Variants in DOCK1 observed in about 807,000 individuals in gnomAD.
The protein encoded by DOCK1 is dedicator of cytokinesis 1.
In DOCK1, 138 loss-of-function variants were observed where a neutral mutation model predicts 262.7. That is an observed-to-expected ratio of 0.53 (90% CI 0.46 to 0.61). The LOEUF is 0.61. Ranked by LOEUF, DOCK1 falls within the 20% of genes least tolerant of loss-of-function variation. The pLI is 0.00. For missense variants in DOCK1, 1,908 were observed against 2,370.7 expected (o/e 0.80, Z 4.05); for synonymous variants, 866 against 867.4 (o/e 1.00, Z 0.03).
At chr10:127,263,155 C>G (rs1250221762) in intron 29 of DOCK1, among the ~76,000 whole-genome samples, 1 of 152,320 alleles carries the variant, frequency 6.6e-6, no homozygotes, top group East Asian at 1.9e-4. Flanking sequence ...GTGTGGAATT[C>G]ATTACATTGC....
chr10:127,218,174 G>A (rs1226805803), intron 27 of DOCK1, among the ~76,000 whole-genome samples: 1 of 152,164 alleles, frequency 6.6e-6, no homozygotes, highest in East Asian at 1.9e-4. Context: ...TTTGAATACA[G>A]ATATTTATAG....
At chr10:127,259,553 C>T (rs1473404173) in intron 29 of DOCK1, among the ~76,000 whole-genome samples, 7 of 152,114 alleles carry the variant, frequency 4.6e-5, no homozygotes, top group South Asian at 2.1e-4. Flanking sequence ...GGTGTGGAGG[C>T]GGCCCGTGTG....
intron 44 of DOCK1, 95 bp downstream of exon 44, chr10:127,415,333 T>C (rs1260713394): frequency 8.1e-7 from 1 of 1,234,908 alleles, no homozygotes; most frequent in African/African-American, 1.5e-5. Flanking sequence ...GTGGTCACTG[T>C]GGCAGCGTGC....
chr10:127,023,384 CTTGG>C (rs2042585308), intron 14 of DOCK1, 60 bp downstream of exon 14: 2 of 1,601,268 alleles, frequency 1.2e-6, no homozygotes, highest in Non-Finnish European at 1.7e-6. Flanking sequence ...AAGTGCTCAC[CTTGG>C]CTCTGCTACA....
chr10:127,111,809 C>A (rs895003491), intron 25 of DOCK1, among the ~76,000 whole-genome samples: 3 of 152,158 alleles, frequency 2.0e-5, no homozygotes, highest in African/African-American at 7.2e-5. Context: ...AAATTAACAG[C>A]TGTCAATGAG....
At chr10:126,950,948 A>G (rs1395853031) in intron 1 of DOCK1, among the ~76,000 whole-genome samples, 2 of 151,666 alleles carry the variant, frequency 1.3e-5, no homozygotes, top group African/African-American at 4.8e-5. Context: ...GTTGGCGGTG[A>G]TGGTGGTGGT....
chr10:127,241,926 C>T (rs899250316), intron 27 of DOCK1, among the ~76,000 whole-genome samples: 2 of 152,174 alleles, frequency 1.3e-5, no homozygotes, highest in Non-Finnish European at 2.9e-5. Flanking sequence ...GGTCACATTT[C>T]AAAGCCATCA....
chr10:127,014,033 T>TA (rs1697052686), intron 12 of DOCK1, among the ~76,000 whole-genome samples: 1 of 152,246 alleles, frequency 6.6e-6, no homozygotes, highest in Admixed American at 6.5e-5. Flanking sequence ...ATGGAGGAGA[T>TA]ACTCATCTTC....
In DOCK1 at chr10:127,418,527, G is replaced by T; in HGVS notation, c.4678G>T (p.Ala1560Ser). 1 of 1,613,446 alleles carries T rather than the reference G, an allele frequency of 6.2e-7. No individual in the cohort carries two copies. Among genetic ancestry groups the T allele is most frequent in the Non-Finnish European group, 8.5e-7 (1 of 1,179,846 alleles). Residue 1560 changes from alanine to serine, a missense_variant, in exon 45 of 52, where the codon GCA (alanine) becomes TCA (serine). Physicochemically the swap from Ala to Ser is moderately conservative, Grantham distance 99. Coordinates refer to ENST00000623213, the MANE Select transcript of DOCK1 (RefSeq NM_001290223.2). ...GGACCCAGCTGTCATGGGGGGCTTC[G>T]CAAACTACGAAAAGGTACGGGACCC... ...IVDPAVMGGF[A>S]NYEKAFFTDR...
intron 36 of DOCK1, among the ~76,000 whole-genome samples, 166 bp from the exon 37 acceptor site, chr10:127,381,112 T>C (rs1421195251): frequency 6.6e-6 from 1 of 152,250 alleles, no homozygotes; most frequent in Admixed American, 6.5e-5. Context: ...TGAGTTTTTC[T>C]TAGTGCTTTC....
intron 29 of DOCK1, among the ~76,000 whole-genome samples, chr10:127,331,382 A>G (rs1177125601): frequency 1.3e-5 from 2 of 152,158 alleles, no homozygotes; most frequent in Non-Finnish European, 2.9e-5. Context: ...CCCAGGTTCA[A>G]GCGATTCTCC....
intron 31 of DOCK1, among the ~76,000 whole-genome samples, chr10:127,354,174 T>A (rs2064022788): frequency 1.3e-5 from 2 of 152,082 alleles, no homozygotes; most frequent in Admixed American, 6.5e-5. Context: ...AGTGGAAGAT[T>A]TGTTGGCATC....
At chr10:127,421,686 C>A (rs190679382) in intron 46 of DOCK1, among the ~76,000 whole-genome samples, 2 of 152,286 alleles carry the variant, frequency 1.3e-5, no homozygotes, top group African/African-American at 4.8e-5. Flanking sequence ...TATGAATTTG[C>A]CTACTCTAGA....
At chr10:127,026,196 G>T (rs1193769628) in intron 15 of DOCK1, 156 bp from the exon 16 acceptor site, 1 of 728,004 alleles carries the variant, frequency 1.4e-6, no homozygotes, top group Non-Finnish European at 2.2e-6. Context: ...GAGGCATTTT[G>T]TCTTTGGAAA....
chr10:127,005,732 T>C (rs56044931), intron 10 of DOCK1, among the ~76,000 whole-genome samples: 14,599 of 152,282 alleles, frequency 0.096, 807 homozygotes, highest in East Asian at 0.21. Context: ...TATTCTGATA[T>C]GTTTGTTTCC....
intron 23 of DOCK1, 103 bp from the exon 24 acceptor site, chr10:127,106,128 T>C: frequency 8.3e-7 from 1 of 1,199,180 alleles, no homozygotes. Flanking sequence ...AAGTGATCTT[T>C]CTCTTCTCAG....
chr10:127,374,038 T>C lies in DOCK1; in HGVS notation c.3519-20T>C. 1 of 1,594,160 alleles carries C rather than the reference T, an allele frequency of 6.3e-7. No individual in the cohort carries two copies. The highest frequency in any genetic ancestry group is 8.5e-7 in the Non-Finnish European group (1 of 1,170,738). ...CTTTTTCTGAGTGTGATTAACAAGG[T>C]GTGTATAATTATTTTTCAGCCTTCT... On this transcript the variant is annotated intron_variant, in intron 34 of 51. Transcript: ENST00000623213.
At chr10:127,188,379 CT>C (rs139636526) in intron 27 of DOCK1, among the ~76,000 whole-genome samples, 1,750 of 152,218 alleles carry the variant, frequency 0.011, 16 homozygotes, top group Non-Finnish European at 0.019. Context: ...CATATTCACA[CT>C]TTTTTTTATG....
At chr10:127,257,228 T>C (rs1014350771) in intron 28 of DOCK1, 107 bp from the exon 29 acceptor site, 26 of 885,504 alleles carry the variant, frequency 2.9e-5, no homozygotes, top group Admixed American at 1.6e-4. Context: ...TCAGGATGTG[T>C]TCATTCAGCC....
Sources: allele counts gnomAD v4.1 joint callset (sites outside exome capture counted in the v4.1 genomes callset), GRCh38; gene constraint gnomAD v4.1.1; transcripts MANE v1.5; gene names NCBI Gene and HGNC (gene_info 2026-07-23, HGNC 2026-07-21).